The following PDE4D variants were observed in gnomAD, a reference collection of about 807,000 sequenced individuals.
PDE4D encodes 3',5'-cyclic-AMP phosphodiesterase 4D.
A neutral mutation model predicts 87.4 loss-of-function variants in PDE4D; 24 were observed. The observed-to-expected ratio is 0.27, with a 90% CI of 0.20 to 0.39. The LOEUF is 0.39. Ranked by LOEUF, PDE4D falls within the 10% of genes least tolerant of loss-of-function variation. PDE4D has a pLI of 1.00. For synonymous variants in PDE4D, 384 were observed against 383.2 expected (o/e 1.00, Z -0.02); for missense variants, 714 against 1,041.0 (o/e 0.69, Z 4.32).
chr5:59,255,454 G>A (rs1760791568), intron 1 of PDE4D, among the ~76,000 whole-genome samples: 1 of 152,008 alleles, frequency 6.6e-6, no homozygotes, highest in African/African-American at 2.4e-5. Context: ...GAGATGGAGG[G>A]TGATAACTAT....
At chr5:60,252,399 CTTTTTTT>C (rs749772318) in intron 1 of PDE4D, among the ~76,000 whole-genome samples, 1 of 137,410 alleles carries the variant, frequency 7.3e-6, no homozygotes, top group African/African-American at 2.7e-5. Context: ...CACTTTTTTA[CTTTTTTT>C]TTTTTTTTTG....
chr5:58,988,569 A>G lies in PDE4D; in HGVS notation c.1476T>C (p.Ile492=). Reference sequence around the variant, plus strand: ...TTGCACTGGCAAAAATTGCTGCAAGAATCTCCAAATCTGTAAACACAGCCT... The same window carrying G: ...TTGCACTGGCAAAAATTGCTGCAAGGATCTCCAAATCTGTAAACACAGCCT... ...ALEAVFTDLE[I]LAAIFASAIH... The change falls in exon 11 of 15, where the codon ATT becomes ATC. Residue 492 remains isoleucine (I), a synonymous_variant. Coordinates refer to ENST00000340635, the MANE Select transcript of PDE4D (RefSeq NM_001104631.2). 1 of 1,494,922 alleles carries G rather than the reference A, an allele frequency of 6.7e-7. No individual in the cohort carries two copies. The highest frequency in any genetic ancestry group is 9.0e-7 in the Non-Finnish European group (1 of 1,112,450). 92.6% of individuals were successfully genotyped at this position (1,494,922 alleles called of 1,614,324 possible). A position where few individuals can be genotyped will look rare whatever the true frequency, so the allele number is the denominator to read the frequency against.
intron 1 of PDE4D, among the ~76,000 whole-genome samples, chr5:59,357,829 A>G (rs1177739304): frequency 6.6e-6 from 1 of 152,172 alleles, no homozygotes; most frequent in Admixed American, 6.5e-5. Context: ...AGTGGTATTC[A>G]ATGTTAACAA....
chr5:60,351,835 T>C (rs1369883359), intron 1 of PDE4D, among the ~76,000 whole-genome samples: 3 of 147,724 alleles, frequency 2.0e-5, no homozygotes, highest in African/African-American at 7.4e-5. Context: ...AGACAGGGTC[T>C]CATTCCATCA....
intron 1 of PDE4D, among the ~76,000 whole-genome samples, chr5:60,321,331 A>G (rs1756247409): frequency 6.6e-6 from 1 of 152,214 alleles, no homozygotes; most frequent in Non-Finnish European, 1.5e-5. Flanking sequence ...GTGCTAGGAT[A>G]ACTAACTAGC....
intron 1 of PDE4D, among the ~76,000 whole-genome samples, chr5:60,429,116 G>A (rs557903813): frequency 6.6e-6 from 1 of 152,246 alleles, no homozygotes; most frequent in East Asian, 1.9e-4. Context: ...AGATTTCAGA[G>A]GAGATTCTTC....
intron 1 of PDE4D, among the ~76,000 whole-genome samples, chr5:60,463,654 C>T (rs571826612): frequency 6.6e-6 from 1 of 152,320 alleles, no homozygotes; most frequent in East Asian, 1.9e-4. Flanking sequence ...GGCTGAATTC[C>T]ATCTGACCAG....
intron 1 of PDE4D, among the ~76,000 whole-genome samples, chr5:60,197,705 G>T (rs1337805085): frequency 6.6e-6 from 1 of 151,448 alleles, no homozygotes; most frequent in African/African-American, 2.4e-5. Context: ...GTCATTGCCG[G>T]CAGACTGTAC....
At chr5:59,843,163 C>T (rs1234183645) in intron 1 of PDE4D, among the ~76,000 whole-genome samples, 2 of 151,952 alleles carry the variant, frequency 1.3e-5, no homozygotes, top group African/African-American at 4.8e-5. Context: ...ACTAAAAAAT[C>T]AGTTCCTTCT....
intron 1 of PDE4D, among the ~76,000 whole-genome samples, chr5:60,239,885 T>A (rs890539420): frequency 1.3e-5 from 2 of 152,116 alleles, no homozygotes; most frequent in Admixed American, 6.6e-5. Flanking sequence ...TAATAACAAT[T>A]AGGTTTCTCT....
In PDE4D at chr5:59,098,087, T is replaced by C. The variant is rs78142939; in HGVS notation, c.809-59116A>G. Among the ~76,000 whole-genome samples the C allele has an allele frequency of 2.7e-3, 408 of 152,360 alleles. 4 individuals carry two copies. The highest frequency in any genetic ancestry group is 9.3e-3 in the African/African-American group (388 of 41,586). On this transcript the variant is annotated intron_variant, in intron 5 of 14. Coordinates refer to ENST00000340635, the MANE Select transcript of PDE4D (RefSeq NM_001104631.2). Reference sequence around the variant, plus strand: ...TAAATTCTGTGGTTTTCTGGATTAATAAACTTTCTCTAATATAATATTCCC... The same window carrying C: ...TAAATTCTGTGGTTTTCTGGATTAACAAACTTTCTCTAATATAATATTCCC...
chr5:59,933,653 ACT>A (rs1756224920), intron 3 of PDE4D, among the ~76,000 whole-genome samples: 1 of 152,072 alleles, frequency 6.6e-6, no homozygotes, highest in Non-Finnish European at 1.5e-5. Flanking sequence ...AAGTCCCCTA[ACT>A]CACACATGAT....
At chr5:59,466,485 G>A (rs914689251) in intron 1 of PDE4D, among the ~76,000 whole-genome samples, 3 of 152,050 alleles carry the variant, frequency 2.0e-5, no homozygotes, top group Non-Finnish European at 4.4e-5. Context: ...ATTTCCTTTC[G>A]CCAGAATGCT....
At chr5:59,050,309 C>T (rs1034186812) in intron 5 of PDE4D, among the ~76,000 whole-genome samples, 1 of 152,038 alleles carries the variant, frequency 6.6e-6, no homozygotes, top group Non-Finnish European at 1.5e-5. Flanking sequence ...CAAAAGATTT[C>T]CCGAAAAGAC....
intron 3 of PDE4D, among the ~76,000 whole-genome samples, chr5:59,948,107 G>A (rs1757906367): frequency 6.6e-6 from 1 of 152,160 alleles, no homozygotes; most frequent in Non-Finnish European, 1.5e-5. Context: ...TCAAATATTA[G>A]CTTACTAGCG....
chr5:59,225,107 T>A (rs2153513554), intron 1 of PDE4D, among the ~76,000 whole-genome samples: 2 of 152,304 alleles, frequency 1.3e-5, no homozygotes, highest in Admixed American at 1.3e-4. Context: ...GCCATGAAAT[T>A]TTCCCCCTAA....
At chr5:59,224,989 A>T (rs955461949) in intron 1 of PDE4D, among the ~76,000 whole-genome samples, 1 of 152,192 alleles carries the variant, frequency 6.6e-6, no homozygotes. Flanking sequence ...CCCAACCAAA[A>T]ATTGTTTTAC....
intron 1 of PDE4D, among the ~76,000 whole-genome samples, chr5:59,584,495 A>T (rs1824762656): frequency 6.6e-6 from 1 of 152,218 alleles, no homozygotes; most frequent in Admixed American, 6.5e-5. Context: ...AAGAAAACCA[A>T]CAGGACTCTC....
chr5:59,907,474 A>G (rs1752968411), intron 3 of PDE4D, among the ~76,000 whole-genome samples: 1 of 152,114 alleles, frequency 6.6e-6, no homozygotes, highest in Non-Finnish European at 1.5e-5. Flanking sequence ...AGAAAAAATA[A>G]TTATCGGGTA....
Sources: allele counts gnomAD v4.1 joint callset (sites outside exome capture counted in the v4.1 genomes callset), GRCh38; gene constraint gnomAD v4.1.1; transcripts MANE v1.5; gene names NCBI Gene and HGNC (gene_info 2026-07-23, HGNC 2026-07-21).